PDE7B: variants seen among roughly 807,000 people sequenced by gnomAD.
PDE7B encodes the protein 3',5'-cyclic-AMP phosphodiesterase 7B.
A neutral mutation model predicts 56.2 loss-of-function variants in PDE7B; 29 were observed. The ratio of observed to expected loss-of-function variants is 0.52; its 90% CI spans 0.38 to 0.70. PDE7B has a LOEUF of 0.70. Ranked by LOEUF, PDE7B falls within the 30% of genes least tolerant of loss-of-function variation. The pLI is 0.00. For missense variants in PDE7B, 490 were observed against 565.0 expected (o/e 0.87, Z 1.35); for synonymous variants, 197 against 196.9 (o/e 1.00, Z 0.00).
In PDE7B at chr6:136,162,670, G is replaced by A. The variant is rs1583917242; in HGVS notation, c.711+6912G>A. On this transcript the variant is annotated intron_variant, in intron 8 of 12. Transcript: ENST00000308191. Reference sequence around the variant, plus strand: ...AGTCCAAGTCCATAGTCTCATCTGAGATAAAGCAAGTCCCTTTTACCTAGG... The same window carrying A: ...AGTCCAAGTCCATAGTCTCATCTGAAATAAAGCAAGTCCCTTTTACCTAGG... Among the ~76,000 whole-genome samples, 3 of 152,214 alleles carry A rather than the reference G, an allele frequency of 2.0e-5. No individual in the cohort carries two copies. In the South Asian group the frequency reaches 6.2e-4, roughly 32 times the overall value.
chr6:135,870,475 C>T (rs1490989010), intron 1 of PDE7B, among the ~76,000 whole-genome samples: 1 of 151,504 alleles, frequency 6.6e-6, no homozygotes, highest in Non-Finnish European at 1.5e-5. Context: ...GAACTGAGTT[C>T]AGTAGTAAGT....
chr6:136,149,473 G>A (rs1284808912), intron 5 of PDE7B, among the ~76,000 whole-genome samples: 1 of 152,172 alleles, frequency 6.6e-6, no homozygotes, highest in Non-Finnish European at 1.5e-5. Flanking sequence ...GTTAGTTGAT[G>A]AAAACTAGAA....
intron 3 of PDE7B, among the ~76,000 whole-genome samples, chr6:136,123,227 C>T (rs908260749): frequency 5.9e-5 from 9 of 152,038 alleles, no homozygotes; most frequent in East Asian, 1.9e-4. Context: ...TGTGTGATGA[C>T]GCGTGCCTGT....
intron 2 of PDE7B, chr6:136,038,470 G>T (rs1423110335): frequency 1.6e-6 from 2 of 1,290,002 alleles, no homozygotes; most frequent in Non-Finnish European, 2.0e-6. Context: ...AAAGTGAGCT[G>T]CAGGCGACCA....
At chr6:135,866,414 A>C (rs1043573240) in intron 1 of PDE7B, among the ~76,000 whole-genome samples, 1 of 152,212 alleles carries the variant, frequency 6.6e-6, no homozygotes, top group Non-Finnish European at 1.5e-5. Flanking sequence ...ATTTCTTTAC[A>C]AAAGCATTAC....
intron 9 of PDE7B, among the ~76,000 whole-genome samples, chr6:136,175,188 T>C (rs1055769989): frequency 3.3e-5 from 5 of 152,218 alleles, no homozygotes; most frequent in Non-Finnish European, 7.4e-5. Context: ...TGTGTCTTTG[T>C]GGAACACAGT....
intron 2 of PDE7B, among the ~76,000 whole-genome samples, chr6:135,959,194 A>G (rs1390080080): frequency 2.0e-5 from 3 of 152,144 alleles, no homozygotes; most frequent in Non-Finnish European, 4.4e-5. Flanking sequence ...TCTGAAATAT[A>G]AGAAAATAGT....
At chr6:135,864,927 G>T (rs866398910) in intron 1 of PDE7B, among the ~76,000 whole-genome samples, 2 of 148,288 alleles carry the variant, frequency 1.3e-5, no homozygotes, top group Non-Finnish European at 3.0e-5. Flanking sequence ...ATCTCCCAAT[G>T]CTATCCCTCC....
At chr6:136,168,735 T>G (rs1005456811) in intron 8 of PDE7B, among the ~76,000 whole-genome samples, 8 of 152,124 alleles carry the variant, frequency 5.3e-5, no homozygotes, top group Non-Finnish European at 1.0e-4. Flanking sequence ...GAGTGAACAA[T>G]GAGTTCTCCC....
chr6:135,935,190 T>TATATATATATATATATATA (rs1774395141), intron 1 of PDE7B, among the ~76,000 whole-genome samples: 2 of 36,190 alleles, frequency 5.5e-5, no homozygotes, highest in African/African-American at 1.2e-4. Flanking sequence ...ATATATTTAT[T>TATATATATATATATATATA]TATATATATA....
At chr6:136,036,184 G>A (rs1005201934) in intron 2 of PDE7B, among the ~76,000 whole-genome samples, 5 of 152,156 alleles carry the variant, frequency 3.3e-5, no homozygotes, top group African/African-American at 4.8e-5. Flanking sequence ...AGGACTGGAC[G>A]GGCTGTCAAA....
intron 2 of PDE7B, chr6:136,038,060 G>GTGTT: frequency 7.5e-7 from 1 of 1,337,696 alleles, no homozygotes; most frequent in Non-Finnish European, 9.9e-7. Context: ...CTCGTCGGCA[G>GTGTT]TGTTTGTGGA....
At chr6:135,877,724 C>T (rs1360212646) in intron 1 of PDE7B, among the ~76,000 whole-genome samples, 2 of 141,330 alleles carry the variant, frequency 1.4e-5, no homozygotes, top group Non-Finnish European at 3.1e-5. Context: ...TTGGGAAGTA[C>T]ACAGACCTCC....
chr6:135,935,186 T>TATATA (rs1774393949), intron 1 of PDE7B, among the ~76,000 whole-genome samples: 20 of 38,436 alleles, frequency 5.2e-4, no homozygotes, highest in African/African-American at 3.0e-3. Flanking sequence ...ATATATATAT[T>TATATA]TATTTATATA....
At chr6:136,100,381 G>A (rs1012702789) in intron 2 of PDE7B, among the ~76,000 whole-genome samples, 96 of 150,620 alleles carry the variant, frequency 6.4e-4, no homozygotes, top group Non-Finnish European at 1.2e-3. Flanking sequence ...CCATTTTCAC[G>A]ATATTGATTC....
chr6:136,038,164 T>C, intron 2 of PDE7B: 3 of 1,298,816 alleles, frequency 2.3e-6, no homozygotes, highest in Non-Finnish European at 2.0e-6. Flanking sequence ...TTTCCCTGCC[T>C]GGGAAGAATT....
intron 1 of PDE7B, among the ~76,000 whole-genome samples, chr6:135,886,773 G>A (rs1775716923): frequency 6.6e-6 from 1 of 152,052 alleles, no homozygotes; most frequent in Non-Finnish European, 1.5e-5. Flanking sequence ...TTGGTTGATG[G>A]GTACTTAGGT....
At chr6:135,945,667 T>TA (rs766494229) in intron 1 of PDE7B, among the ~76,000 whole-genome samples, 3 of 152,158 alleles carry the variant, frequency 2.0e-5, no homozygotes, top group African/African-American at 4.8e-5. Flanking sequence ...AATGTATAGT[T>TA]ACAACAAAGA....
Position 136,194,565 on chromosome 6 carries a change from T to C in PDE7B, c.*2725T>C, listed in dbSNP as rs1310495263. On this transcript the variant is annotated 3_prime_UTR_variant, in exon 13 of 13. Transcript: ENST00000308191. ...TCTTTTTTTCTTGGCTATTAGTGGC[T>C]GTCTTGCAATATTTCAATAGGAGTC... 1.3e-5 allele frequency: 2 copies of C among 152,188 alleles called. No individual in the cohort carries two copies. Among genetic ancestry groups the C allele is most frequent in the African/African-American group, 4.8e-5 (2 of 41,460 alleles). 9.4% of individuals were successfully genotyped at this position (152,188 alleles called of 1,614,324 possible).
Sources: gnomAD v4.1 joint callset for allele counts (sites outside exome capture counted in the v4.1 genomes callset) on GRCh38, gnomAD v4.1.1 for gene constraint, MANE v1.5 for transcripts, NCBI Gene and HGNC (gene_info 2026-07-23, HGNC 2026-07-21) for gene names.